EFCAB8: variants seen among roughly 807,000 people sequenced by gnomAD.
EFCAB8 encodes the protein EF-hand calcium binding domain 8, also known as EF-hand calcium-binding domain-containing protein 8.
A neutral mutation model predicts 116.3 loss-of-function variants in EFCAB8; 100 were observed. That is an observed-to-expected ratio of 0.86 (90% CI 0.73 to 1.02). EFCAB8 has a LOEUF of 1.02. Among genes scored for constraint, EFCAB8 ranks in the 50% least tolerant of loss-of-function variants. EFCAB8 has a pLI of 0.00. For synonymous variants in EFCAB8, 558 were observed against 567.9 expected, an observed-to-expected ratio of 0.98 and a Z score of 0.25; for missense variants, 1,320 against 1,416.9, an observed-to-expected ratio of 0.93 and a Z score of 1.10.
intron 23 of EFCAB8, among the ~76,000 whole-genome samples, chr20:32,944,478 A>G (rs1363926853): frequency 1.3e-5 from 2 of 152,140 alleles, no homozygotes; most frequent in Non-Finnish European, 2.9e-5. Context: ...AAAAAATAAT[A>G]ATAAAAATAA....
At chr20:32,859,431 C>T (rs1383137701) in intron 1 of EFCAB8, among the ~76,000 whole-genome samples, 1 of 152,056 alleles carries the variant, frequency 6.6e-6, no homozygotes, top group Non-Finnish European at 1.5e-5. Flanking sequence ...CTTGTCTTGG[C>T]CTCTCCCCTC....
At chr20:32,871,793 T>C (rs1022832245) in intron 3 of EFCAB8, among the ~76,000 whole-genome samples, 1 of 152,150 alleles carries the variant, frequency 6.6e-6, no homozygotes, top group Non-Finnish European at 1.5e-5. Context: ...CCAGTGTCCT[T>C]CTTCCTGTTC....
chr20:32,935,192 CTTTTTTTTTTTT>C (rs753039647), intron 22 of EFCAB8, among the ~76,000 whole-genome samples: 4 of 34,038 alleles, frequency 1.2e-4, no homozygotes, highest in East Asian at 6.3e-4. Context: ...TTCTTTCTTT[CTTTTTTTTTTTT>C]TTTTTTTTTT....
intron 1 of EFCAB8, among the ~76,000 whole-genome samples, chr20:32,862,383 C>A (rs1984159647): frequency 6.6e-6 from 1 of 151,984 alleles, no homozygotes; most frequent in African/African-American, 2.4e-5. Flanking sequence ...CCGCCTCGGC[C>A]TATTTTTTAT....
chr20:32,860,696 T>C (rs1984069103), intron 1 of EFCAB8, among the ~76,000 whole-genome samples: 1 of 151,910 alleles, frequency 6.6e-6, no homozygotes, highest in Non-Finnish European at 1.5e-5. Flanking sequence ...TTTATAAAAA[T>C]TGGCATCATA....
intron 16 of EFCAB8, among the ~76,000 whole-genome samples, chr20:32,912,311 G>T (rs1037512560): frequency 1.3e-5 from 2 of 151,904 alleles, no homozygotes; most frequent in African/African-American, 4.8e-5. Context: ...CGTGGTGGTG[G>T]CTGCCTGTAA....
In EFCAB8 at chr20:32,959,880, G is replaced by C; in HGVS notation, c.3192G>C (p.Trp1064Cys). Residue 1064 changes from tryptophan (W) to cysteine (C), a missense_variant, in exon 25 of 27, where the codon TGG becomes TGC. By Grantham distance (215) the Trp-to-Cys change is radical (BLOSUM62 -2). Transcript: ENST00000400522. ...AGGCAGATAAGGAGGCAGACACTTGGGCCAAGCTGCAGAAGATGGCCCTGA... is the reference window on the plus strand; with the variant it reads ...AGGCAGATAAGGAGGCAGACACTTGCGCCAAGCTGCAGAAGATGGCCCTGA... ...HGKADKEADT[W>C]AKLQKMALMS... 6.4e-7 allele frequency: 1 copy of C among 1,551,498 alleles called. No individual in the cohort carries two copies. The highest frequency in any genetic ancestry group is 8.7e-7 in the Non-Finnish European group (1 of 1,146,906).
At chr20:32,879,409 C>T (rs576133244) in intron 5 of EFCAB8, among the ~76,000 whole-genome samples, 3 of 152,320 alleles carry the variant, frequency 2.0e-5, no homozygotes, top group East Asian at 1.9e-4. Context: ...CTCCTCCACC[C>T]GCTGTGCCCA....
chr20:32,896,663 GCGGCAGCTGTTGGATCC>G (rs955579511), intron 10 of EFCAB8, 136 bp downstream of exon 10: 2 of 624,418 alleles, frequency 3.2e-6, no homozygotes, highest in African/African-American at 1.8e-5. Context: ...GAAACAGGTT[GCGGCAGCTGTTGGATCC>G]CGTCAGCTCT....
At position 32,917,320 on chromosome 20, in the gene EFCAB8, G is replaced by A. The variant is rs1323437515; in HGVS notation, c.1876G>A (p.Val626Met). The A allele has an allele frequency of 6.4e-7, 1 of 1,551,634 alleles. No homozygotes were observed. The highest frequency in any genetic ancestry group is 2.0e-5 in the Admixed American group (1 of 51,000). The part of the protein sequence containing the change: ...THFLFHKTKP[V>M]LLCYHWQTYH... ...GCACAGGTTCCACAAGACCAAGCCA[G>A]TGCTCTTGTGCTACCACTGGCAGAC... is the stretch of plus-strand genomic sequence containing the variant. Residue 626 changes from valine to methionine, a missense_variant, in exon 18 of 27, where the codon GTG (valine) becomes ATG (methionine). By Grantham distance (21) the Val-to-Met change is conservative (BLOSUM62 1). Transcript: ENST00000400522.
intron 23 of EFCAB8, among the ~76,000 whole-genome samples, chr20:32,956,984 G>T: frequency 7.2e-6 from 1 of 138,684 alleles, no homozygotes. Flanking sequence ...CTGAATTCCA[G>T]ATTATTTTTT....
chr20:32,908,506 G>C (rs1047007344), intron 14 of EFCAB8, 94 bp downstream of exon 14: 2 of 1,215,410 alleles, frequency 1.6e-6, no homozygotes, highest in Non-Finnish European at 2.1e-6. Context: ...GCCACGTCCT[G>C]TCCCTCCTGG....
At chr20:32,925,075 G>T (rs1428612523) in intron 20 of EFCAB8, among the ~76,000 whole-genome samples, 1 of 152,110 alleles carries the variant, frequency 6.6e-6, no homozygotes, top group Non-Finnish European at 1.5e-5. Flanking sequence ...GTGGGTGGGG[G>T]TCTTACCTGT....
chr20:32,890,237 G>A (rs1985846949), intron 7 of EFCAB8, among the ~76,000 whole-genome samples: 1 of 151,590 alleles, frequency 6.6e-6, no homozygotes, highest in Non-Finnish European at 1.5e-5. Context: ...GTCTCCTCTG[G>A]TAGGTGCTGT....
intron 15 of EFCAB8, among the ~76,000 whole-genome samples, chr20:32,910,872 G>T (rs1986888698): frequency 6.6e-6 from 1 of 151,238 alleles, no homozygotes; most frequent in Non-Finnish European, 1.5e-5. Flanking sequence ...CGAGTAGCTG[G>T]GACTACAGGC....
intron 7 of EFCAB8, among the ~76,000 whole-genome samples, chr20:32,891,536 A>T (rs1435158630): frequency 1.3e-5 from 2 of 152,044 alleles, no homozygotes; most frequent in Non-Finnish European, 2.9e-5. Context: ...CATTTTAGAG[A>T]TAATTATGTC....
rs1986697896 is a variant in EFCAB8, at chr20:32,906,835, G to A, written c.1157-8G>A. ...CCCCTGGGACTGACACCCACGTCTT[G>A]ACCACAGTGACTGGTGGCTACGATG... is the stretch of plus-strand genomic sequence containing the variant. On this transcript the variant is annotated splice_polypyrimidine_tract_variant and splice_region_variant and intron_variant, in intron 12 of 26. Transcript: ENST00000400522. 1 of 1,382,326 alleles carries A rather than the reference G, an allele frequency of 7.2e-7. No homozygotes were observed. Among genetic ancestry groups the A allele is most frequent in the East Asian group, 2.5e-5 (1 of 40,062 alleles). The allele number at this position is 1,382,326 out of a possible 1,614,324, so 85.6% of individuals were successfully genotyped here.
chr20:32,887,523 C>T (rs928130042), intron 6 of EFCAB8, among the ~76,000 whole-genome samples: 6 of 152,306 alleles, frequency 3.9e-5, no homozygotes, highest in East Asian at 1.9e-4. Flanking sequence ...TCCAGTGAGC[C>T]GAGATCGCAC....
At chr20:32,952,980 C>T (rs1406806704) in intron 23 of EFCAB8, among the ~76,000 whole-genome samples, 1 of 152,142 alleles carries the variant, frequency 6.6e-6, no homozygotes, top group African/African-American at 2.4e-5. Context: ...CCTCCATTTC[C>T]CGTTACCTCC....
Sources: gnomAD v4.1 joint callset for allele counts (sites outside exome capture counted in the v4.1 genomes callset) on GRCh38, gnomAD v4.1.1 for gene constraint, MANE v1.5 for transcripts, NCBI Gene and HGNC (gene_info 2026-07-23, HGNC 2026-07-21) for gene names.